The following CROCC variants were observed in gnomAD, a reference collection of about 807,000 sequenced individuals.
CROCC encodes rootletin.
A neutral mutation model predicts 245.2 loss-of-function variants in CROCC; 180 were observed. The observed-to-expected ratio is 0.73, with a 90% CI of 0.65 to 0.83. The LOEUF (loss-of-function observed/expected upper bound fraction) is 0.83, where lower values mean the gene tolerates loss of function less well. Among genes scored for constraint, CROCC ranks in the 40% least tolerant of loss-of-function variants. CROCC has a pLI of 0.00. For synonymous variants in CROCC, 1,205 were observed against 1,241.6 expected, an observed-to-expected ratio of 0.97 and a Z score of 0.62; for missense variants, 2,688 against 2,779.4, an observed-to-expected ratio of 0.97 and a Z score of 0.74.
At position 16,929,887 on chromosome 1, in the gene CROCC, G is replaced by C; in HGVS notation, c.393G>C (p.Thr131=). 6.3e-7 allele frequency: 1 copy of C among 1,584,472 alleles called. No individual in the cohort carries two copies. The highest frequency in any genetic ancestry group is 8.6e-7 in the Non-Finnish European group (1 of 1,169,014). The change falls in exon 4 of 37, where the codon ACG becomes ACC. Residue 131 remains threonine, a synonymous_variant. Transcript: ENST00000375541. The stretch of plus-strand genomic sequence containing the variant: ...GGCTGGAGCCTGGGGAGCTGGAGAC[G>C]CAGGAGCCCAGGGGGCTGGTACGGC... ...ALRLEPGELE[T]QEPRGLVRQS...
chr1:16,946,524 C>G, intron 16 of CROCC, 119 bp downstream of exon 16: 1 of 1,383,424 alleles, frequency 7.2e-7, no homozygotes, highest in Non-Finnish European at 1.0e-6. Flanking sequence ...GTCCCTGGTT[C>G]TCTGTCTGTC....
At chr1:16,918,405 G>A (rs575440672), upstream of CROCC, among the ~76,000 whole-genome samples, 3 of 150,030 alleles carry the variant, frequency 2.0e-5, no homozygotes, top group East Asian at 3.9e-4. Flanking sequence ...GCAGGACTCT[G>A]GGGGAGAACT....
At position 16,971,594 on chromosome 1, in the gene CROCC, C is replaced by T. The variant is rs887000977; in HGVS notation, c.5914C>T (p.Leu1972=). The change falls in exon 36 of 37, where the codon CTG becomes TTG. Residue 1972 remains leucine (L), a synonymous_variant. Transcript: ENST00000375541. ...RSAQAQTERT[L]EARERAHRQR... ...CGCCCAGGCGCAGACTGAGCGCACC[C>T]TGGAGGCTCGGGAGCGGGCCCACCG... The T allele has an allele frequency of 1.3e-6, 2 of 1,525,962 alleles. No individual in the cohort carries two copies. Among genetic ancestry groups the T allele is most frequent in the South Asian group, 1.2e-5 (1 of 83,506 alleles). The allele number at this position is 1,525,962 out of a possible 1,614,324, so 94.5% of individuals were successfully genotyped here. A position where few individuals can be genotyped will look rare whatever the true frequency, so the allele number is the denominator to read the frequency against.
At chr1:16,963,940 C>T (rs2076375456) in intron 27 of CROCC, among the ~76,000 whole-genome samples, 4 of 151,852 alleles carry the variant, frequency 2.6e-5, no homozygotes, top group East Asian at 1.9e-4. Flanking sequence ...GGACTACAGG[C>T]GTGCACCACT....
intron 27 of CROCC, among the ~76,000 whole-genome samples, chr1:16,961,576 A>G (rs996704040): frequency 1.3e-5 from 2 of 151,652 alleles, no homozygotes; most frequent in African/African-American, 4.8e-5. Context: ...GGTCTAGGCC[A>G]CTTATTTTTT....
intron 7 of CROCC, 101 bp downstream of exon 7, chr1:16,930,695 C>CG: frequency 7.3e-7 from 1 of 1,366,448 alleles, no homozygotes. Flanking sequence ...GAGCACTGTC[C>CG]AAGGGAGCCT....
At chr1:16,970,479 T>C in intron 34 of CROCC, 26 bp downstream of exon 34, 1 of 1,539,458 alleles carries the variant, frequency 6.5e-7, no homozygotes, top group Non-Finnish European at 8.8e-7. Context: ...GGCTCTCCCC[T>C]CACTTCCTCT....
chr1:16,951,634 C>A (rs1481354988), intron 20 of CROCC, among the ~76,000 whole-genome samples: 2 of 152,362 alleles, frequency 1.3e-5, no homozygotes, highest in Non-Finnish European at 2.9e-5. Flanking sequence ...CTGAGACCAT[C>A]TGCATAGAGG....
chr1:16,966,452 C>G lies in CROCC; in HGVS notation c.4741C>G (p.Leu1581Val). 5 of 1,537,198 alleles carry G rather than the reference C, an allele frequency of 3.3e-6. No homozygotes were observed. The highest frequency in any genetic ancestry group is 4.4e-6 in the Non-Finnish European group (5 of 1,145,586). Residue 1581 changes from leucine to valine, a missense_variant, in exon 30 of 37, where the codon CTG becomes GTG. By Grantham distance (32) the Leu-to-Val change is conservative (BLOSUM62 1). Transcript: ENST00000375541. The surrounding 1 kb of genome is among the most constrained non-coding windows in gnomAD (Gnocchi z 4.8). Reference protein sequence around the residue: ...DGRLSGVQAELALQEESVRRS... With the variant: ...DGRLSGVQAEVALQEESVRRS... Reference sequence around the variant, plus strand: ...GCGGCTGAGCGGGGTCCAGGCGGAGCTGGCGCTGCAGGAGGAGAGTGTGCG... The same window carrying G: ...GCGGCTGAGCGGGGTCCAGGCGGAGGTGGCGCTGCAGGAGGAGAGTGTGCG...
At chr1:16,934,103 A>C (rs2075737725) in intron 8 of CROCC, among the ~76,000 whole-genome samples, 1 of 152,246 alleles carries the variant, frequency 6.6e-6, no homozygotes, top group Admixed American at 6.5e-5. Context: ...TTCCAGCAGG[A>C]TGCCCCTATG....
rs890733488 is a variant in CROCC at position 16,958,139 on chromosome 1, G to A, written c.3865-444G>A. Among the ~76,000 whole-genome samples, 10 of 152,120 alleles carry A rather than the reference G, an allele frequency of 6.6e-5. No individual in the cohort carries two copies. In the South Asian group the frequency reaches 2.1e-3, roughly 32 times the overall value. ...CTCAGTTTTCTCATCTGTTAGATAG[G>A]GATAATGTTACTACCTACCTCATAT... On this transcript the variant is annotated intron_variant, in intron 25 of 36. Coordinates refer to ENST00000375541, the MANE Select transcript of CROCC (RefSeq NM_014675.5).
intron 27 of CROCC, among the ~76,000 whole-genome samples, chr1:16,963,798 G>GT (rs199534417): frequency 1.7e-3 from 252 of 151,410 alleles, no homozygotes; most frequent in African/African-American, 4.7e-3. Flanking sequence ...AAATCACTTT[G>GT]TTTTTGTTTT....
chr1:16,946,262 G>C lies in CROCC; in HGVS notation c.2140G>C (p.Glu714Gln). ...TTCTCGGGGCCTGACCCTGCAGGCT[G>C]AGGCTGGCCGCGTGGAGCTCGAGCT... ...AEVAEALTKA[E>Q]AGRVELELSM... The change falls in exon 16 of 37, where the codon GAG (glutamate) becomes CAG (glutamine). Residue 714 changes from glutamate (E) to glutamine (Q), a missense_variant. Glu to Gln is a conservative substitution (Grantham distance 29). Transcript: ENST00000375541. The C allele has an allele frequency of 1.9e-6, 3 of 1,612,616 alleles. No individual in the cohort carries two copies. Among genetic ancestry groups the C allele is most frequent in the East Asian group, 2.2e-5 (1 of 44,876 alleles).
chr1:16,959,535 C>T (rs988035212), intron 26 of CROCC, among the ~76,000 whole-genome samples: 1 of 152,194 alleles, frequency 6.6e-6, no homozygotes, highest in Non-Finnish European at 1.5e-5. Context: ...CTAGCACAGC[C>T]GAGCATGTAT....
chr1:16,964,285 A>G (rs949645488), intron 27 of CROCC, among the ~76,000 whole-genome samples: 5 of 151,062 alleles, frequency 3.3e-5, no homozygotes, highest in African/African-American at 7.4e-5. Flanking sequence ...AGCTGGGACT[A>G]TAAGCGTGGG....
upstream of CROCC, among the ~76,000 whole-genome samples, chr1:16,919,662 T>C (rs1215781181): frequency 1.3e-5 from 2 of 152,302 alleles, no homozygotes; most frequent in Non-Finnish European, 2.9e-5. Context: ...CCCAGACACG[T>C]GATGCTAATG....
chr1:16,966,739 T>C lies in CROCC; in HGVS notation c.4860+168T>C, dbSNP rs1232080690. Among the ~76,000 whole-genome samples, 2 of 152,208 alleles carry C rather than the reference T, an allele frequency of 1.3e-5. No homozygotes were observed. The highest frequency in any genetic ancestry group is 1.5e-5 in the Non-Finnish European group (1 of 68,032). Reference sequence around the variant, plus strand: ...ACCATGTTCAGACTCCATCCTCTCATGTCACTTGTGGTCACTAGGCTGTAG... The same window carrying C: ...ACCATGTTCAGACTCCATCCTCTCACGTCACTTGTGGTCACTAGGCTGTAG... On this transcript the variant is annotated intron_variant, in intron 30 of 36. Coordinates refer to ENST00000375541, the MANE Select transcript of CROCC (RefSeq NM_014675.5). The surrounding 1 kb of genome is among the most constrained non-coding windows in gnomAD (Gnocchi z 4.8).
intron 13 of CROCC, among the ~76,000 whole-genome samples, chr1:16,942,074 G>C (rs1159470263): frequency 6.6e-6 from 1 of 152,194 alleles, no homozygotes; most frequent in African/African-American, 2.4e-5. Flanking sequence ...GCAGTGGTGC[G>C]ATCTCATTTC....
intron 15 of CROCC, 111 bp from the exon 16 acceptor site, chr1:16,946,148 G>C (rs2076040283): frequency 5.7e-6 from 7 of 1,234,234 alleles, no homozygotes; most frequent in African/African-American, 4.5e-5. Flanking sequence ...TCCCCTCCTT[G>C]TCTCCCCTAC....
Sources: gnomAD v4.1 joint callset for allele counts (sites outside exome capture counted in the v4.1 genomes callset) on GRCh38, gnomAD v4.1.1 for gene constraint, Gnocchi (gnomAD v3.1) non-coding constraint, MANE v1.5 for transcripts, NCBI Gene and HGNC (gene_info 2026-07-23, HGNC 2026-07-21) for gene names.